Variants in BEND6 observed in about 807,000 individuals in gnomAD.
The protein encoded by BEND6 is BEN domain-containing protein 6.
Under a neutral mutation model 31.8 loss-of-function variants are expected in BEND6, and 24 were observed. The ratio of observed to expected loss-of-function variants is 0.75; its 90% confidence interval spans 0.55 to 1.06. The LOEUF (loss-of-function observed/expected upper bound fraction) is 1.06. Among genes scored for constraint, BEND6 ranks in the 50% least tolerant of loss-of-function variants. The pLI is 0.00. For synonymous variants in BEND6, 109 were observed against 114.6 expected (o/e 0.95, Z 0.31); for missense variants, 294 against 327.4 (o/e 0.90, Z 0.79).
chr6:57,004,569 AC>A, intron 3 of BEND6: 1 of 905,386 alleles, frequency 1.1e-6, no homozygotes, highest in Non-Finnish European at 1.8e-6. Flanking sequence ...CGCCAGAACT[AC>A]CACCAGGACT....
Position 57,002,608 on chromosome 6 carries a change from A to G in BEND6, c.298+10053A>G, listed in dbSNP as rs556466155. Among the ~76,000 whole-genome samples, 17 of 988 alleles carry G rather than the reference A, an allele frequency of 0.017. No homozygotes were observed. In the East Asian group the frequency reaches 0.47, roughly 27 times the overall value. 0.6% of individuals were successfully genotyped at this position (988 alleles called of 152,430 possible). On this transcript the variant is annotated intron_variant, in intron 3 of 6. Coordinates refer to ENST00000370746, the MANE Select transcript of BEND6 (RefSeq NM_152731.3). ...ATGAAAATTAAACAACTTGCTCCTGAATGACTGAGTAAACAATGAGATTAA... is the reference window on the plus strand; with the variant it reads ...ATGAAAATTAAACAACTTGCTCCTGGATGACTGAGTAAACAATGAGATTAA...
chr6:56,979,752 T>C (rs973041726), intron 1 of BEND6, among the ~76,000 whole-genome samples: 2 of 152,258 alleles, frequency 1.3e-5, no homozygotes, highest in African/African-American at 4.8e-5. Flanking sequence ...TATAATATCC[T>C]ACATTTGGCC....
At chr6:57,000,922 A>C (rs1261764980) in intron 3 of BEND6, among the ~76,000 whole-genome samples, 6 of 151,610 alleles carry the variant, frequency 4.0e-5, no homozygotes, top group African/African-American at 1.5e-4. Context: ...AGACCTATAG[A>C]AATGAAGCCA....
At chr6:56,981,172 C>A (rs138935253) in intron 1 of BEND6, among the ~76,000 whole-genome samples, 161 of 152,128 alleles carry the variant, frequency 1.1e-3, no homozygotes, top group African/African-American at 3.8e-3. Context: ...AATACTATTG[C>A]CCTTGAGATT....
At chr6:57,012,193 G>A (rs1827370699) in intron 3 of BEND6, among the ~76,000 whole-genome samples, 2 of 152,114 alleles carry the variant, frequency 1.3e-5, no homozygotes, top group Non-Finnish European at 2.9e-5. Context: ...ATAGCCCATC[G>A]ACAGGTGAAT....
At chr6:56,991,629 G>A (rs1054459518) in intron 2 of BEND6, among the ~76,000 whole-genome samples, 5 of 152,056 alleles carry the variant, frequency 3.3e-5, no homozygotes, top group Non-Finnish European at 7.4e-5. Flanking sequence ...CCAAAGTGCT[G>A]GGATTACAGG....
intron 3 of BEND6, among the ~76,000 whole-genome samples, chr6:57,013,561 A>C (rs971489996): frequency 2.0e-5 from 3 of 152,218 alleles, no homozygotes; most frequent in African/African-American, 7.2e-5. Flanking sequence ...AGCTGTGGCC[A>C]GCTGCCACCC....
intron 1 of BEND6, among the ~76,000 whole-genome samples, chr6:56,981,266 A>G (rs1202482209): frequency 6.6e-6 from 1 of 152,186 alleles, no homozygotes; most frequent in Non-Finnish European, 1.5e-5. Flanking sequence ...TTTAGGGGAA[A>G]AAAAACCTTT....
At chr6:56,992,001 C>T (rs1388611630) in intron 2 of BEND6, among the ~76,000 whole-genome samples, 2 of 152,136 alleles carry the variant, frequency 1.3e-5, no homozygotes, top group African/African-American at 4.8e-5. Flanking sequence ...TATTCACAGG[C>T]GAAAGAAATA....
intron 3 of BEND6, among the ~76,000 whole-genome samples, chr6:56,994,358 T>C (rs1826621684): frequency 7.0e-6 from 1 of 142,622 alleles, no homozygotes; most frequent in South Asian, 2.2e-4. Flanking sequence ...ACTGGAAGGC[T>C]GAGGCAGGAG....
intron 3 of BEND6, among the ~76,000 whole-genome samples, chr6:57,013,131 C>A (rs898334991): frequency 3.9e-5 from 6 of 152,194 alleles, no homozygotes; most frequent in Admixed American, 3.3e-4. Flanking sequence ...GTAAACCAAA[C>A]TGCAAAGTTA....
In BEND6 at chr6:56,991,294, A is replaced by T. The variant is rs930300428; in HGVS notation, c.121-1084A>T. Among the ~76,000 whole-genome samples the T allele has an allele frequency of 2.0e-5, 3 of 151,880 alleles. No individual in the cohort carries two copies. The East Asian group carries it at 5.8e-4, about 29-fold the overall frequency. On this transcript the variant is annotated intron_variant, in intron 2 of 6. Coordinates refer to ENST00000370746, the MANE Select transcript of BEND6 (RefSeq NM_152731.3). Reference sequence around the variant, plus strand: ...ATCTGTTCTCAGGATTTAAACATAAATACAGAATATTTAGGCTCTAGGGAT... The same window carrying T: ...ATCTGTTCTCAGGATTTAAACATAATTACAGAATATTTAGGCTCTAGGGAT...
intron 1 of BEND6, among the ~76,000 whole-genome samples, chr6:56,979,768 G>T (rs1467458890): frequency 6.6e-6 from 1 of 152,140 alleles, no homozygotes; most frequent in East Asian, 1.9e-4. Context: ...TGGCCTATTG[G>T]CTTGCAGTAT....
chr6:56,969,564 A>G (rs979113848), intron 1 of BEND6, among the ~76,000 whole-genome samples: 12 of 152,138 alleles, frequency 7.9e-5, no homozygotes, highest in Admixed American at 3.3e-4. Context: ...AGCAATCCAA[A>G]ACTTTTGAAA....
intron 3 of BEND6, chr6:57,008,249 T>C (rs1049130464): frequency 1.4e-6 from 1 of 702,720 alleles, no homozygotes; most frequent in African/African-American, 1.7e-5. Flanking sequence ...TTACCTTGAC[T>C]CATCTCAGAT....
intron 3 of BEND6, among the ~76,000 whole-genome samples, chr6:57,007,766 C>G (rs1224959511): frequency 5.9e-4 from 89 of 152,016 alleles, no homozygotes; most frequent in Non-Finnish European, 2.1e-4. Context: ...CCACTTTGTT[C>G]CCGGAACCAA....
chr6:57,000,432 A>G (rs1374338506), intron 3 of BEND6, among the ~76,000 whole-genome samples: 2 of 152,170 alleles, frequency 1.3e-5, no homozygotes, highest in African/African-American at 2.4e-5. Context: ...TCAAGTACCC[A>G]GGGACACAAA....
intron 6 of BEND6, among the ~76,000 whole-genome samples, chr6:57,022,784 TC>T (rs1172755677): frequency 9.9e-5 from 15 of 152,218 alleles, no homozygotes; most frequent in Admixed American, 6.5e-4. Flanking sequence ...CAAACTTCCA[TC>T]TCAGTACTGC....
At chr6:57,011,019 C>T in intron 3 of BEND6, 1 of 246,264 alleles carries the variant, frequency 4.1e-6, no homozygotes, top group Non-Finnish European at 6.5e-6. Context: ...AACCACTTTA[C>T]AAAAACCATT....
Sources: allele counts gnomAD v4.1 joint callset (sites outside exome capture counted in the v4.1 genomes callset), GRCh38; gene constraint gnomAD v4.1.1; transcripts MANE v1.5; gene names NCBI Gene and HGNC (gene_info 2026-07-23, HGNC 2026-07-21).